Variants in OR51B5 observed in about 807,000 individuals in gnomAD.
The protein encoded by OR51B5 is olfactory receptor family 51 subfamily B member 5.
For synonymous variants in OR51B5, 186 were observed against 144.8 expected (o/e 1.28, Z -2.04); for missense variants, 456 against 374.6 (o/e 1.22, Z -1.79).
chr11:5,365,872 T>TA (rs1211847340), intron 1 of OR51B5, among the ~76,000 whole-genome samples: 1 of 152,192 alleles, frequency 6.6e-6, no homozygotes, highest in African/African-American at 2.4e-5. Context: ...TAACCATTCT[T>TA]AGAGGAACTC....
At chr11:5,376,072 C>T (rs1486411159) in intron 1 of OR51B5, among the ~76,000 whole-genome samples, 1 of 152,112 alleles carries the variant, frequency 6.6e-6, no homozygotes, top group Admixed American at 6.5e-5. Flanking sequence ...GTAAAGCTCT[C>T]CTCAGCAAAT....
chr11:5,353,801 C>CAGCCA (rs1849140882), intron 1 of OR51B5, among the ~76,000 whole-genome samples: 2 of 152,358 alleles, frequency 1.3e-5, no homozygotes, highest in South Asian at 4.1e-4. Context: ...GGCTGCCCAC[C>CAGCCA]TACTCTTCAT....
At chr11:5,374,459 G>C (rs976140260) in intron 1 of OR51B5, among the ~76,000 whole-genome samples, 1 of 152,208 alleles carries the variant, frequency 6.6e-6, no homozygotes, top group Non-Finnish European at 1.5e-5. Context: ...TTCCTCACCA[G>C]CAACGGAACA....
chr11:5,396,474 T>C (rs1027342834), intron 1 of OR51B5, among the ~76,000 whole-genome samples: 4 of 152,064 alleles, frequency 2.6e-5, no homozygotes, highest in Admixed American at 1.3e-4. Context: ...TCAGAGAGAA[T>C]ATAATACCTA....
intron 1 of OR51B5, among the ~76,000 whole-genome samples, chr11:5,416,480 T>C (rs1162169391): frequency 1.3e-5 from 2 of 151,774 alleles, no homozygotes; most frequent in East Asian, 1.9e-4. Context: ...AAAGAGGAAG[T>C]CAAATTGTCC....
rs530295016 is a variant in OR51B5, at chr11:5,504,421, A to G, written n.84+1148T>C. Among the ~76,000 whole-genome samples, 3 of 152,292 alleles carry G rather than the reference A, an allele frequency of 2.0e-5. No individual in the cohort carries two copies. The South Asian group carries it at 6.2e-4, about 32-fold the overall frequency. ...CCATGCAGTAGGCCCAGCATGACCA[A>G]AACTCTGTGACTCTATCTTCTCTTC... On this transcript the variant is annotated intron_variant and non_coding_transcript_variant, in intron 1 of 4. Transcript: ENST00000415970.
intron 1 of OR51B5, among the ~76,000 whole-genome samples, chr11:5,427,290 A>C (rs1850465515): frequency 6.6e-6 from 1 of 152,244 alleles, no homozygotes; most frequent in Admixed American, 6.5e-5. Context: ...ATTCCAGTGA[A>C]TCTTCACAGA....
chr11:5,351,142 A>G (rs959820179), intron 1 of OR51B5, among the ~76,000 whole-genome samples: 5 of 152,300 alleles, frequency 3.3e-5, no homozygotes, highest in African/African-American at 1.2e-4. Flanking sequence ...AAAGTGACCT[A>G]TAAGTTTCAG....
chr11:5,460,185 A>G (rs1851026816), intron 1 of OR51B5, among the ~76,000 whole-genome samples: 1 of 152,228 alleles, frequency 6.6e-6, no homozygotes, highest in African/African-American at 2.4e-5. Context: ...TGGGAGCTAA[A>G]TGATGAAAAC....
At chr11:5,501,967 C>T (rs1211667264) in intron 1 of OR51B5, among the ~76,000 whole-genome samples, 1 of 151,940 alleles carries the variant, frequency 6.6e-6, no homozygotes, top group African/African-American at 2.4e-5. Context: ...CGCCCTGTGT[C>T]CATGTGTTCT....
intron 1 of OR51B5, among the ~76,000 whole-genome samples, chr11:5,406,602 T>TA (rs1850061260): frequency 6.6e-6 from 1 of 152,142 alleles, no homozygotes; most frequent in South Asian, 2.1e-4. Flanking sequence ...GGAGCTAAAT[T>TA]AAAAATTAGG....
chr11:5,355,832 C>T (rs910060626), intron 1 of OR51B5, among the ~76,000 whole-genome samples: 1 of 151,900 alleles, frequency 6.6e-6, no homozygotes, highest in African/African-American at 2.4e-5. Context: ...CAATGTAATG[C>T]CCTGCTCTGA....
chr11:5,460,483 C>T (rs1478344014), intron 1 of OR51B5, among the ~76,000 whole-genome samples: 6 of 152,348 alleles, frequency 3.9e-5, no homozygotes, highest in Middle Eastern at 3.4e-3. Context: ...TCTTTCAACT[C>T]GAGTCATTTT....
chr11:5,423,266 T>C, intron 1 of OR51B5: 2 of 1,356,806 alleles, frequency 1.5e-6, no homozygotes, highest in Non-Finnish European at 9.7e-7. Flanking sequence ...TAAGGCAGTA[T>C]GACAAGTCCC....
At chr11:5,375,225 G>C (rs1022681840) in intron 1 of OR51B5, among the ~76,000 whole-genome samples, 1 of 148,572 alleles carries the variant, frequency 6.7e-6, no homozygotes, top group East Asian at 1.9e-4. Flanking sequence ...TTAATATCCA[G>C]CCAAACTAAG....
At chr11:5,418,536 A>G (rs1308844888) in intron 1 of OR51B5, among the ~76,000 whole-genome samples, 1 of 152,156 alleles carries the variant, frequency 6.6e-6, no homozygotes, top group Non-Finnish European at 1.5e-5. Flanking sequence ...ACACCATGGA[A>G]TACTACGCCG....
At chr11:5,390,415 GA>G in intron 1 of OR51B5, 1 of 1,509,876 alleles carries the variant, frequency 6.6e-7, no homozygotes, top group Non-Finnish European at 8.9e-7. Flanking sequence ...AGGCCTATAA[GA>G]AGGCCCCAAA....
Position 5,488,671 on chromosome 11 carries a change from T to C in OR51B5, n.84+16898A>G, listed in dbSNP as rs373576342. ...TGATGTTACAGGGCAAGCATAACAATACTATTCAGAAAGAGCCCTTCATTT... is the reference window on the plus strand; with the variant it reads ...TGATGTTACAGGGCAAGCATAACAACACTATTCAGAAAGAGCCCTTCATTT... On this transcript the variant is annotated intron_variant and non_coding_transcript_variant, in intron 1 of 4. Coordinates refer to the OR51B5 transcript ENST00000415970. The C allele has an allele frequency of 1.0e-5, 14 of 1,365,418 alleles. No individual in the cohort carries two copies. The African/African-American group carries it at 2.0e-4, about 20-fold the overall frequency. The allele number at this position is 1,365,418 out of a possible 1,614,324, so 84.6% of individuals were successfully genotyped here.
chr11:5,375,375 A>C (rs1849509096), intron 1 of OR51B5, among the ~76,000 whole-genome samples: 1 of 150,630 alleles, frequency 6.6e-6, no homozygotes, highest in Non-Finnish European at 1.5e-5. Context: ...GCCACTGCAA[A>C]ATCAGGCCAA....
Sources: gnomAD v4.1 joint callset for allele counts (sites outside exome capture counted in the v4.1 genomes callset) on GRCh38, gnomAD v4.1.1 for gene constraint, MANE v1.5 for transcripts, NCBI Gene and HGNC (gene_info 2026-07-23, HGNC 2026-07-21) for gene names.